TMCO4: variants seen among roughly 807,000 people sequenced by gnomAD.
The protein encoded by TMCO4 is transmembrane and coiled-coil domain-containing protein 4.
TMCO4 carries 58 observed loss-of-function variants against 64.7 expected under a neutral mutation model. That is an observed-to-expected ratio of 0.90 (90% confidence interval 0.73 to 1.12). The LOEUF (loss-of-function observed/expected upper bound fraction) is 1.12, where lower values mean the gene tolerates loss of function less well. Ranked by LOEUF, TMCO4 falls within the 50% of genes most tolerant of loss-of-function variation. The probability of loss-of-function intolerance (pLI) is 0.00; values close to 1 mark genes in which losing one functional copy is unlikely to be tolerated. For missense variants in TMCO4, 780 were observed against 825.9 expected (o/e 0.94, Z 0.68); for synonymous variants, 325 against 346.1 (o/e 0.94, Z 0.68).
intron 13 of TMCO4, among the ~76,000 whole-genome samples, chr1:19,712,673 A>T (rs1424684322): frequency 6.6e-6 from 1 of 152,214 alleles, no homozygotes; most frequent in Admixed American, 6.5e-5. Flanking sequence ...AGAATTACCA[A>T]ATGTGTCACA....
intron 13 of TMCO4, among the ~76,000 whole-genome samples, chr1:19,724,366 T>C (rs10917525): frequency 0.31 from 47,322 of 152,036 alleles, 8,077 homozygotes; most frequent in East Asian, 0.55. Context: ...GAACCCAGGT[T>C]CACTATTTGT....
At chr1:19,720,730 C>CA (rs1450278683) in intron 13 of TMCO4, among the ~76,000 whole-genome samples, 2 of 152,142 alleles carry the variant, frequency 1.3e-5, no homozygotes, top group African/African-American at 4.8e-5. Flanking sequence ...CCCGAAAGGT[C>CA]AGAGTTCACA....
In TMCO4 at chr1:19,737,365, T is replaced by G. The variant is rs200250663; in HGVS notation, c.1264+7A>C. On this transcript the variant is annotated splice_region_variant and intron_variant, in intron 13 of 15. Transcript: ENST00000294543. ...GGTTTCCGTCTGTGACAATAATCCA[T>G]GCTCACCTTTCTCTTGAGCCATCTC... 1 of 1,611,796 alleles carries G rather than the reference T, an allele frequency of 6.2e-7. No individual in the cohort carries two copies. The highest frequency in any genetic ancestry group is 1.3e-5 in the African/African-American group (1 of 74,938).
At chr1:19,755,866 A>C in intron 6 of TMCO4, 100 bp from the exon 7 acceptor site, 1 of 1,390,986 alleles carries the variant, frequency 7.2e-7, no homozygotes, top group South Asian at 1.2e-5. Flanking sequence ...AAACAGCCTA[A>C]ATGTACAACC....
intron 6 of TMCO4, among the ~76,000 whole-genome samples, chr1:19,761,517 A>G (rs577805789): frequency 6.6e-6 from 1 of 152,304 alleles, no homozygotes; most frequent in Admixed American, 6.5e-5. Flanking sequence ...GCCTCAGGGT[A>G]CCTGTTCCTC....
chr1:19,706,873 G>A (rs2095305764), intron 13 of TMCO4, among the ~76,000 whole-genome samples: 1 of 152,238 alleles, frequency 6.6e-6, no homozygotes, highest in African/African-American at 2.4e-5. Flanking sequence ...GGCATGAGAT[G>A]TCTTTTTAGA....
chr1:19,692,210 C>T (rs1204526731), intron 15 of TMCO4, among the ~76,000 whole-genome samples: 3 of 152,148 alleles, frequency 2.0e-5, no homozygotes, highest in South Asian at 2.1e-4. Flanking sequence ...TTGCTGAAGT[C>T]GGCTTGTGCT....
At position 19,778,292 on chromosome 1, in the gene TMCO4, G is replaced by C. The variant is rs535468224; in HGVS notation, c.179+2288C>G. 2.6e-3 allele frequency among the ~76,000 whole-genome samples: 371 copies of C among 143,648 alleles called. 1 individual carries two copies. Among genetic ancestry groups the C allele is most frequent in the African/African-American group, 9.1e-3 (351 of 38,762 alleles). 94.2% of individuals were successfully genotyped at this position (143,648 alleles called of 152,430 possible). A position where few individuals can be genotyped will look rare whatever the true frequency, so the allele number is the denominator to read the frequency against. On this transcript the variant is annotated intron_variant, in intron 4 of 15. Coordinates refer to ENST00000294543, the MANE Select transcript of TMCO4 (RefSeq NM_181719.7). Reference sequence around the variant, plus strand: ...TTTATTTATTTATTTATTTATTTTTGAGACAGAGTCTTGCTCTGTTGCCCA... The same window carrying C: ...TTTATTTATTTATTTATTTATTTTTCAGACAGAGTCTTGCTCTGTTGCCCA...
intron 9 of TMCO4, 71 bp downstream of exon 9, chr1:19,746,385 C>T: frequency 1.3e-6 from 2 of 1,587,130 alleles, no homozygotes; most frequent in Non-Finnish European, 1.7e-6. Context: ...AGGATCCAGG[C>T]ATGTCCTTTT....
At chr1:19,773,884 T>C (rs1378993197) in intron 4 of TMCO4, among the ~76,000 whole-genome samples, 3 of 151,966 alleles carry the variant, frequency 2.0e-5, no homozygotes, top group Non-Finnish European at 4.4e-5. Flanking sequence ...GGGTTAAGAG[T>C]TGGACTCTGA....
Position 19,746,489 on chromosome 1 carries a change from A to G in TMCO4, c.724T>C (p.Ser242Pro). Residue 242 changes from serine (S) to proline (P), a missense_variant, in exon 9 of 16, where the codon TCG (serine) becomes CCG (proline). Physicochemically the swap from Ser to Pro is moderately conservative, Grantham distance 74 (BLOSUM62 -1). Transcript: ENST00000294543. Reference protein sequence around the residue: ...GSAAGIAIMTSLFGAAGAGLT... With the variant: ...GSAAGIAIMTPLFGAAGAGLT... The stretch of plus-strand genomic sequence containing the variant: ...CCAGCTCCAGCTGCACCAAACAGCG[A>G]GGTCATGATGGCTATGCCGGCTGCT... 1.2e-6 allele frequency: 2 copies of G among 1,613,266 alleles called. No homozygotes were observed. The highest frequency in any genetic ancestry group is 1.7e-4 in the Middle Eastern group (1 of 6,060).
chr1:19,767,739 G>A (rs1017951173), intron 6 of TMCO4, among the ~76,000 whole-genome samples: 1 of 152,182 alleles, frequency 6.6e-6, no homozygotes, highest in African/African-American at 2.4e-5. Context: ...TACCTCTGCT[G>A]CTGTGTGTCT....
chr1:19,796,757 TAG>T (rs1330867285), intron 2 of TMCO4, among the ~76,000 whole-genome samples: 1 of 152,028 alleles, frequency 6.6e-6, no homozygotes, highest in African/African-American at 2.4e-5. Flanking sequence ...GCATTTTTAG[TAG>T]AGACAGGGTT....
chr1:19,778,764 T>A (rs1446208904), intron 4 of TMCO4, among the ~76,000 whole-genome samples: 4 of 152,196 alleles, frequency 2.6e-5, no homozygotes, highest in Non-Finnish European at 5.9e-5. Context: ...AAAGCCAGCA[T>A]TAACCTACCT....
At chr1:19,735,064 G>A (rs543173254) in intron 13 of TMCO4, among the ~76,000 whole-genome samples, 2 of 152,248 alleles carry the variant, frequency 1.3e-5, no homozygotes, top group South Asian at 4.1e-4. Flanking sequence ...CACTAGGGGG[G>A]CGGCAGGGCT....
At chr1:19,698,665 G>T (rs1441527015) in intron 14 of TMCO4, among the ~76,000 whole-genome samples, 1 of 142,618 alleles carries the variant, frequency 7.0e-6, no homozygotes, top group Non-Finnish European at 1.6e-5. Context: ...TTTAACCAAA[G>T]AACTACAGTT....
At position 19,716,072 on chromosome 1, in the gene TMCO4, TA is replaced by T. The variant is rs1330152738; in HGVS notation, c.1265-15188del. Among the ~76,000 whole-genome samples the T allele has an allele frequency of 1.3e-5, 2 of 152,112 alleles. 1 individual carries two copies. The highest frequency in any genetic ancestry group is 2.9e-5 in the Non-Finnish European group (2 of 68,018). On this transcript the variant is annotated intron_variant, in intron 13 of 15. Coordinates refer to ENST00000294543, the MANE Select transcript of TMCO4 (RefSeq NM_181719.7). ...TGGATCATACCTGGAATCACAGCAT[TA>T]TGGGAGGCCGAGGCGGGAGGATTGT...
intron 15 of TMCO4, among the ~76,000 whole-genome samples, chr1:19,684,065 T>A (rs1177366039): frequency 1.5e-5 from 1 of 67,126 alleles, no homozygotes; most frequent in Non-Finnish European, 3.1e-5. Flanking sequence ...CCCGGCAGCT[T>A]TTTTTTTTTT....
At chr1:19,764,813 C>T (rs2042658898) in intron 6 of TMCO4, among the ~76,000 whole-genome samples, 2 of 142,896 alleles carry the variant, frequency 1.4e-5, no homozygotes, top group South Asian at 4.5e-4. Context: ...CAAGATTGCG[C>T]CATTGCACTC....
Sources: gnomAD v4.1 joint callset for allele counts (sites outside exome capture counted in the v4.1 genomes callset) on GRCh38, gnomAD v4.1.1 for gene constraint, MANE v1.5 for transcripts, NCBI Gene and HGNC (gene_info 2026-07-23, HGNC 2026-07-21) for gene names.